Variants in TMC7 observed in about 807,000 individuals in gnomAD.
TMC7 encodes the protein transmembrane channel-like protein 7.
Under a neutral mutation model 82.9 loss-of-function variants are expected in TMC7, and 54 were observed. The ratio of observed to expected loss-of-function variants is 0.65; its 90% confidence interval spans 0.52 to 0.82. The LOEUF is 0.82. TMC7 is among the 40% of genes least tolerant of loss of function. The pLI is 0.00. For synonymous variants in TMC7, 350 were observed against 337.9 expected (o/e 1.04, Z -0.39); for missense variants, 820 against 901.2 (o/e 0.91, Z 1.15).
At chr16:19,003,519 G>A (rs112370912) in intron 1 of TMC7, among the ~76,000 whole-genome samples, 12 of 148,596 alleles carry the variant, frequency 8.1e-5, no homozygotes, top group South Asian at 4.3e-4. Flanking sequence ...CCACCACCCC[G>A]TCTGGGAGGT....
chr16:19,006,117 T>C (rs1040838362), intron 1 of TMC7, among the ~76,000 whole-genome samples: 7 of 152,140 alleles, frequency 4.6e-5, no homozygotes, highest in Non-Finnish European at 8.8e-5. Context: ...TGGGACCTTC[T>C]ACCCATGTGA....
rs191913288 is a variant in TMC7, at chr16:19,058,120, A to T, written c.2028-1296A>T. On this transcript the variant is annotated intron_variant, in intron 14 of 15. Coordinates refer to ENST00000304381, the MANE Select transcript of TMC7 (RefSeq NM_024847.4). ...TAAAATGATATTATCAGCCAGGCAT[A>T]GTGGCTCACGCCTGTAATCCCAGCA... Among the ~76,000 whole-genome samples, 8 of 152,198 alleles carry T rather than the reference A, an allele frequency of 5.3e-5. No homozygotes were observed. The East Asian group carries it at 1.5e-3, about 29-fold the overall frequency.
chr16:18,989,967 C>T (rs1216229500), intron 1 of TMC7, among the ~76,000 whole-genome samples: 12 of 151,274 alleles, frequency 7.9e-5, no homozygotes, highest in African/African-American at 2.2e-4. Context: ...TGGGTGCAGG[C>T]GGGCTGAGTC....
At chr16:19,056,402 A>G in intron 13 of TMC7, 140 bp from the exon 14 acceptor site, 1 of 1,010,642 alleles carries the variant, frequency 9.9e-7, no homozygotes, top group Non-Finnish European at 1.4e-6. Context: ...AGCATTTTCG[A>G]CTCAAACATT....
chr16:18,994,909 G>A (rs375460014), intron 1 of TMC7, among the ~76,000 whole-genome samples: 13 of 152,246 alleles, frequency 8.5e-5, no homozygotes, highest in African/African-American at 2.9e-4. Flanking sequence ...GGGTGATTAG[G>A]TTTTAATGGG....
At chr16:19,009,070 G>A in intron 1 of TMC7, 102 bp from the exon 2 acceptor site, 1 of 1,334,098 alleles carries the variant, frequency 7.5e-7, no homozygotes, top group Non-Finnish European at 1.0e-6. Context: ...ACCCAGGCTA[G>A]TAACTATCTG....
chr16:19,021,893 T>G (rs1273452684), intron 4 of TMC7, 97 bp downstream of exon 4: 3 of 1,409,908 alleles, frequency 2.1e-6, no homozygotes, highest in Non-Finnish European at 2.9e-6. Context: ...TTCTAATTCT[T>G]GGGCGACTGT....
At chr16:18,993,091 A>T (rs2038980307) in intron 1 of TMC7, among the ~76,000 whole-genome samples, 2 of 152,152 alleles carry the variant, frequency 1.3e-5, no homozygotes, top group African/African-American at 4.8e-5. Flanking sequence ...AGGATTAGAG[A>T]TGGCTAGGAG....
chr16:19,051,473 A>T (rs374078523), intron 12 of TMC7, among the ~76,000 whole-genome samples: 1 of 145,870 alleles, frequency 6.9e-6, no homozygotes. Context: ...TCATTGTTCA[A>T]TTCCCACCTA....
In TMC7 at chr16:19,021,646, A is replaced by G; in HGVS notation, c.478A>G (p.Ile160Val). 1 of 1,614,006 alleles carries G rather than the reference A, an allele frequency of 6.2e-7. No individual in the cohort carries two copies. Among genetic ancestry groups the G allele is most frequent in the Non-Finnish European group, 8.5e-7 (1 of 1,179,996 alleles). The change falls in exon 4 of 16, where the codon ATT (isoleucine) becomes GTT (valine). Residue 160 changes from isoleucine to valine, a missense_variant. Physicochemically the swap from Ile to Val is conservative, Grantham distance 29. This residue lies in a region of TMC7 where 650 missense variants were observed against 669.9 expected (regional missense o/e 0.97). Coordinates refer to ENST00000304381, the MANE Select transcript of TMC7 (RefSeq NM_024847.4). The stretch of plus-strand genomic sequence containing the variant: ...TTTTCCAGGGAAATTTGGCACTGGG[A>G]TTCAGTCCTATTTCTCCTTCTTGAG... ...RSIEGKFGTG[I>V]QSYFSFLRFL...
At chr16:18,986,124 A>G (rs867269197) in intron 1 of TMC7, among the ~76,000 whole-genome samples, 46 of 151,942 alleles carry the variant, frequency 3.0e-4, no homozygotes, top group Admixed American at 2.6e-4. Flanking sequence ...GGCCAGGCAC[A>G]GTGGCTCACA....
intron 6 of TMC7, among the ~76,000 whole-genome samples, chr16:19,031,128 G>C (rs533406338): frequency 6.6e-6 from 1 of 152,156 alleles, no homozygotes; most frequent in Non-Finnish European, 1.5e-5. Flanking sequence ...TCAATTCTTA[G>C]GTGTAGTGGT....
At chr16:18,988,201 C>T (rs1443109360) in intron 1 of TMC7, among the ~76,000 whole-genome samples, 2 of 145,124 alleles carry the variant, frequency 1.4e-5, no homozygotes, top group Non-Finnish European at 3.0e-5. Context: ...GTTGCCCAGG[C>T]TGGAGTGCAA....
At chr16:18,999,247 G>T (rs981341653) in intron 1 of TMC7, among the ~76,000 whole-genome samples, 1 of 152,084 alleles carries the variant, frequency 6.6e-6, no homozygotes, top group African/African-American at 2.4e-5. Flanking sequence ...CAATCCTCCC[G>T]CCTCATCCTC....
chr16:19,001,843 C>T (rs1447174975), intron 1 of TMC7, among the ~76,000 whole-genome samples: 2 of 152,196 alleles, frequency 1.3e-5, no homozygotes, highest in African/African-American at 2.4e-5. Flanking sequence ...AGTCTGGAGT[C>T]TGGCCCAGAG....
At chr16:19,044,795 GC>G in intron 9 of TMC7, 88 bp from the exon 10 acceptor site, 1 of 539,260 alleles carries the variant, frequency 1.9e-6, no homozygotes. Flanking sequence ...AAAAAAAAAG[GC>G]AGCTTCTACA....
intron 1 of TMC7, among the ~76,000 whole-genome samples, chr16:19,003,406 G>C (rs536146844): frequency 4.6e-4 from 67 of 145,858 alleles, no homozygotes; most frequent in East Asian, 3.5e-3. Context: ...GGAGGGAGGT[G>C]GGGGGGGTCA....
At chr16:19,017,675 T>TG (rs2142199108) in intron 3 of TMC7, among the ~76,000 whole-genome samples, 1 of 146,428 alleles carries the variant, frequency 6.8e-6, no homozygotes. Flanking sequence ...CAGTTTTTTT[T>TG]TTTTTTTTTT....
chr16:19,030,076 T>G (rs1471926920), intron 5 of TMC7, 148 bp from the exon 6 acceptor site: 1 of 752,354 alleles, frequency 1.3e-6, no homozygotes, highest in African/African-American at 1.8e-5. Context: ...CACTGAATAC[T>G]CCCTGTGCCT....
Sources: allele counts gnomAD v4.1 joint callset (sites outside exome capture counted in the v4.1 genomes callset), GRCh38; gene constraint gnomAD v4.1.1; regional missense constraint gnomAD v4.1.1; transcripts MANE v1.5; gene names NCBI Gene and HGNC (gene_info 2026-07-23, HGNC 2026-07-21).